MSI2: variants seen among roughly 807,000 people sequenced by gnomAD.
The protein encoded by MSI2 is RNA-binding protein Musashi homolog 2.
A neutral mutation model predicts 45.6 loss-of-function variants in MSI2; 17 were observed. The ratio of observed to expected loss-of-function variants is 0.37; its 90% CI spans 0.26 to 0.56. MSI2 has a LOEUF of 0.56. Ranked by LOEUF, MSI2 falls within the 20% of genes least tolerant of loss-of-function variation. The probability of loss-of-function intolerance (pLI) is 0.77; values close to 1 mark genes in which losing one functional copy is unlikely to be tolerated. For synonymous variants in MSI2, 156 were observed against 158.2 expected, an observed-to-expected ratio of 0.99 and a Z score of 0.11; for missense variants, 293 against 444.2, an observed-to-expected ratio of 0.66 and a Z score of 3.06.
intron 11 of MSI2, among the ~76,000 whole-genome samples, chr17:57,653,929 G>A (rs1005412847): frequency 1.6e-5 from 2 of 123,110 alleles, no homozygotes; most frequent in Admixed American, 8.1e-5. Context: ...GTCATCTCCA[G>A]TCACACATTT....
At chr17:57,497,033 G>A (rs370648823) in intron 6 of MSI2, among the ~76,000 whole-genome samples, 3 of 152,136 alleles carry the variant, frequency 2.0e-5, no homozygotes, top group African/African-American at 4.8e-5. Flanking sequence ...GCTGGAGTGC[G>A]ATGGTGCAAT....
chr17:57,365,969 T>C (rs1022649377), intron 5 of MSI2, among the ~76,000 whole-genome samples: 4 of 152,030 alleles, frequency 2.6e-5, no homozygotes, highest in Non-Finnish European at 5.9e-5. Context: ...CTGGATGCAG[T>C]GGGTGTGATA....
Position 57,262,211 on chromosome 17 carries a change from A to C in MSI2, c.312+19A>C, listed in dbSNP as rs777873590. The C allele has an allele frequency of 4.3e-6, 7 of 1,613,792 alleles. No individual in the cohort carries two copies. In the South Asian group the frequency reaches 7.7e-5, roughly 18 times the overall value. On this transcript the variant is annotated intron_variant, in intron 5 of 13. Coordinates refer to ENST00000284073, the MANE Select transcript of MSI2 (RefSeq NM_138962.4). ...ACCCAAGGTAAGTAGGAGAATAAAC[A>C]GTAGGATTTTAGCACTCAGAGATGA...
intron 5 of MSI2, chr17:57,274,374 G>A (rs1908670147): frequency 6.6e-6 from 1 of 152,202 alleles, no homozygotes; most frequent in Admixed American, 6.5e-5. Flanking sequence ...AATATTCTGT[G>A]CCTTTGTTTT....
Position 57,446,750 on chromosome 17 carries a change from T to C in MSI2, c.405+45279T>C, listed in dbSNP as rs556117408. Among the ~76,000 whole-genome samples the C allele has an allele frequency of 3.3e-5, 5 of 152,266 alleles. 1 individual carries two copies. The South Asian group carries it at 1.0e-3, about 32-fold the overall frequency. On this transcript the variant is annotated intron_variant, in intron 6 of 13. Coordinates refer to ENST00000284073, the MANE Select transcript of MSI2 (RefSeq NM_138962.4). Reference sequence around the variant, plus strand: ...AATAAAAAGCAGGGGCTCTGAAGGATGAGTGGGAGTTTGATAGAATGGATG... The same window carrying C: ...AATAAAAAGCAGGGGCTCTGAAGGACGAGTGGGAGTTTGATAGAATGGATG...
At position 57,596,007 on chromosome 17, in the gene MSI2, T is replaced by C. The variant is rs1905216442; in HGVS notation, c.455-861T>C. ...CCCTCGCCATGTTAACGCTACCATG[T>C]GGCAGCTGCATCCCATCCAAGGAGG... On this transcript the variant is annotated intron_variant, in intron 7 of 13. Transcript: ENST00000284073. This position sits in a 1 kb window ranked among gnomAD's most constrained non-coding sequence, Gnocchi z 4.6. 6.6e-6 allele frequency among the ~76,000 whole-genome samples: 1 copy of C among 152,242 alleles called. No individual in the cohort carries two copies. Among genetic ancestry groups the C allele is most frequent in the Non-Finnish European group, 1.5e-5 (1 of 68,036 alleles).
In MSI2 at chr17:57,652,449, A is replaced by G. The variant is rs960391744; in HGVS notation, c.790+288A>G. ...CCTGAGTTTCTTTTTGACTTTGACC[A>G]TCCCGTCACCTGACAGCTAGCTTCG... On this transcript the variant is annotated intron_variant, in intron 11 of 13. Transcript: ENST00000284073. This position sits in a 1 kb window ranked among gnomAD's most constrained non-coding sequence, Gnocchi z 4.1. Among the ~76,000 whole-genome samples the G allele has an allele frequency of 1.3e-5, 2 of 151,674 alleles. No homozygotes were observed. Among genetic ancestry groups the G allele is most frequent in the African/African-American group, 4.8e-5 (2 of 41,254 alleles).
chr17:57,453,731 G>A (rs1304024424), intron 6 of MSI2, among the ~76,000 whole-genome samples: 2 of 152,198 alleles, frequency 1.3e-5, no homozygotes, highest in Non-Finnish European at 2.9e-5. Context: ...TACTGCTCAA[G>A]GTCATCACCA....
At chr17:57,465,629 A>T (rs144056898) in intron 6 of MSI2, among the ~76,000 whole-genome samples, 221 of 152,222 alleles carry the variant, frequency 1.5e-3, no homozygotes, top group Non-Finnish European at 2.6e-3. Flanking sequence ...GCCTTACCCA[A>T]AGCCCATGGG....
chr17:57,514,705 T>A (rs1271359459), intron 6 of MSI2, among the ~76,000 whole-genome samples: 1 of 151,888 alleles, frequency 6.6e-6, no homozygotes, highest in African/African-American at 2.4e-5. Flanking sequence ...CTCTCCGTTC[T>A]TTTTTCCCCC....
intron 5 of MSI2, among the ~76,000 whole-genome samples, chr17:57,271,446 T>C (rs1254275307): frequency 6.6e-6 from 1 of 152,166 alleles, no homozygotes; most frequent in Non-Finnish European, 1.5e-5. Flanking sequence ...GAGCTCTAAA[T>C]TGCTGTTTCT....
intron 6 of MSI2, among the ~76,000 whole-genome samples, chr17:57,515,731 C>T (rs1003548992): frequency 7.9e-5 from 12 of 152,096 alleles, no homozygotes; most frequent in African/African-American, 2.7e-4. Context: ...TGTATGCCAG[C>T]GCCAAATACA....
chr17:57,300,523 C>G (rs1409831651), intron 5 of MSI2, among the ~76,000 whole-genome samples: 2 of 152,242 alleles, frequency 1.3e-5, no homozygotes, highest in East Asian at 3.9e-4. Context: ...ATTAAACATA[C>G]CATTTTGTAC....
chr17:57,398,476 T>C (rs542931172), intron 5 of MSI2, among the ~76,000 whole-genome samples: 8 of 152,358 alleles, frequency 5.3e-5, no homozygotes, highest in South Asian at 4.1e-4. Context: ...TCTGAAAGCA[T>C]GTAGAGATGC....
intron 7 of MSI2, among the ~76,000 whole-genome samples, chr17:57,550,874 T>G (rs1486384796): frequency 6.6e-6 from 1 of 152,216 alleles, no homozygotes; most frequent in Non-Finnish European, 1.5e-5. Flanking sequence ...GTGTTCTGAA[T>G]GAGAGCACTG....
chr17:57,484,487 T>C (rs2085713257), intron 6 of MSI2, among the ~76,000 whole-genome samples: 1 of 152,256 alleles, frequency 6.6e-6, no homozygotes, highest in Non-Finnish European at 1.5e-5. Context: ...TAAATCTGTT[T>C]TTCATTAGAC....
At chr17:57,291,151 C>G (rs1327259993) in intron 5 of MSI2, among the ~76,000 whole-genome samples, 3 of 152,182 alleles carry the variant, frequency 2.0e-5, no homozygotes. Context: ...CAGGTTGTGT[C>G]GTTTCAGCGG....
At chr17:57,461,481 T>G (rs2085227161) in intron 6 of MSI2, among the ~76,000 whole-genome samples, 1 of 151,434 alleles carries the variant, frequency 6.6e-6, no homozygotes, top group Non-Finnish European at 1.5e-5. Flanking sequence ...AATTTCTCCT[T>G]CTGGGGCCCG....
At chr17:57,690,087 C>T in the MSI2 span, among the ~76,000 whole-genome samples, 1 of 151,244 alleles carries the variant, frequency 6.6e-6, no homozygotes, top group Non-Finnish European at 1.5e-5. Flanking sequence ...TTTTGCATTA[C>T]CACTAGACAT....
Sources: allele counts gnomAD v4.1 joint callset (sites outside exome capture counted in the v4.1 genomes callset), GRCh38; gene constraint gnomAD v4.1.1; non-coding constraint Gnocchi (gnomAD v3.1); transcripts MANE v1.5; gene names NCBI Gene and HGNC (gene_info 2026-07-23, HGNC 2026-07-21).